OXCT1: variants seen among roughly 807,000 people sequenced by gnomAD.
The protein encoded by OXCT1 is succinyl-CoA:3-ketoacid coenzyme A transferase 1, mitochondrial.
In OXCT1, 27 loss-of-function variants were observed where a neutral mutation model predicts 69.6. That is an observed-to-expected ratio of 0.39 (90% CI 0.29 to 0.54). The LOEUF is 0.54. OXCT1 is among the 20% of genes least tolerant of loss of function. The probability of loss-of-function intolerance (pLI) is 0.72; values close to 1 mark genes in which losing one functional copy is unlikely to be tolerated. For synonymous variants in OXCT1, 202 were observed against 217.8 expected (o/e 0.93, Z 0.64); for missense variants, 437 against 650.2 (o/e 0.67, Z 3.57).
chr5:41,812,418 G>T (rs967675393), intron 7 of OXCT1, among the ~76,000 whole-genome samples: 3 of 151,994 alleles, frequency 2.0e-5, no homozygotes, highest in African/African-American at 7.2e-5. Context: ...GAAGAGAATT[G>T]CATATAAAGA....
intron 5 of OXCT1, chr5:41,843,483 C>T (rs912244731): frequency 2.2e-6 from 1 of 453,070 alleles, no homozygotes; most frequent in African/African-American, 2.0e-5. Flanking sequence ...CATTACTGAT[C>T]TAGGGAATGC....
Position 41,731,254 on chromosome 5 carries a change from T to C in OXCT1, c.*475A>G. 1 of 372,878 alleles carries C rather than the reference T, an allele frequency of 2.7e-6. No individual in the cohort carries two copies. The highest frequency in any genetic ancestry group is 3.8e-6 in the Non-Finnish European group (1 of 263,910). The allele number at this position is 372,878 out of a possible 1,614,324, so 23.1% of individuals were successfully genotyped here. On this transcript the variant is annotated 3_prime_UTR_variant, in exon 17 of 17. Transcript: ENST00000196371. ...AGGGGGATGTTCTAGGGGGACAAGATGTAATCATAAAATCTGAAGCCCCAA... is the reference window on the plus strand; with the variant it reads ...AGGGGGATGTTCTAGGGGGACAAGACGTAATCATAAAATCTGAAGCCCCAA...
intron 13 of OXCT1, among the ~76,000 whole-genome samples, chr5:41,790,718 T>C (rs964201781): frequency 6.6e-6 from 1 of 152,150 alleles, no homozygotes. Context: ...GACTGCCAGA[T>C]CTTGCAATAA....
chr5:41,758,362 A>G (rs1003570075), intron 14 of OXCT1, among the ~76,000 whole-genome samples: 3 of 152,168 alleles, frequency 2.0e-5, no homozygotes, highest in African/African-American at 7.2e-5. Flanking sequence ...ATATAGTTCT[A>G]TGGCTGATCA....
intron 10 of OXCT1, 95 bp downstream of exon 10, chr5:41,802,974 C>T: frequency 1.2e-6 from 1 of 868,130 alleles, no homozygotes; most frequent in South Asian, 1.4e-5. Flanking sequence ...ACCCTAAAAG[C>T]TATTGAAATA....
chr5:41,744,611 T>C (rs556196068), intron 15 of OXCT1, among the ~76,000 whole-genome samples: 2 of 152,262 alleles, frequency 1.3e-5, no homozygotes, highest in Admixed American at 6.5e-5. Context: ...TTGTCATAGA[T>C]AGCTCTTATT....
intron 4 of OXCT1, 112 bp downstream of exon 4, chr5:41,853,307 G>T: frequency 1.1e-6 from 1 of 915,020 alleles, no homozygotes; most frequent in Non-Finnish European, 1.7e-6. Context: ...TCCCTGGTTT[G>T]GCAAAGTACT....
rs1579839899 is a variant in OXCT1, at chr5:41,835,199, T to C, written c.732+5252A>G. The stretch of plus-strand genomic sequence containing the variant: ...CGTTAGTGGCTACTAGGAGCAACTA[T>C]ATGCCAATAAATTGGAAAATCTAGA... On this transcript the variant is annotated intron_variant, in intron 7 of 16. Coordinates refer to ENST00000196371, the MANE Select transcript of OXCT1 (RefSeq NM_000436.4). 2.6e-5 allele frequency among the ~76,000 whole-genome samples: 4 copies of C among 152,312 alleles called. No homozygotes were observed. In the South Asian group the frequency reaches 6.2e-4, roughly 24 times the overall value.
At chr5:41,779,422 C>T (rs533627911) in intron 13 of OXCT1, among the ~76,000 whole-genome samples, 10 of 152,160 alleles carry the variant, frequency 6.6e-5, no homozygotes, top group Non-Finnish European at 1.5e-4. Context: ...CCACATGTGG[C>T]TAATGGCTCC....
intron 5 of OXCT1, among the ~76,000 whole-genome samples, chr5:41,845,171 A>G (rs908571652): frequency 1.3e-5 from 2 of 152,144 alleles, no homozygotes; most frequent in Non-Finnish European, 2.9e-5. Flanking sequence ...TTCCCCAAAC[A>G]CGGCAAGCCT....
At chr5:41,811,346 G>T (rs1260474025) in intron 7 of OXCT1, among the ~76,000 whole-genome samples, 1 of 151,988 alleles carries the variant, frequency 6.6e-6, no homozygotes, top group East Asian at 1.9e-4. Context: ...ATATGGTAAT[G>T]AATATCCCAA....
chr5:41,850,630 T>C (rs1749131969), intron 4 of OXCT1, among the ~76,000 whole-genome samples: 1 of 152,220 alleles, frequency 6.6e-6, no homozygotes, highest in Non-Finnish European at 1.5e-5. Flanking sequence ...TTAGAGCTTA[T>C]TTTAAACCAT....
At chr5:41,868,615 TG>T (rs1750119565) in intron 1 of OXCT1, among the ~76,000 whole-genome samples, 2 of 150,426 alleles carry the variant, frequency 1.3e-5, no homozygotes, top group African/African-American at 4.9e-5. Context: ...CCCAGCTACT[TG>T]GGAGGCTGAG....
intron 11 of OXCT1, among the ~76,000 whole-genome samples, chr5:41,799,786 T>C (rs1746343832): frequency 6.6e-6 from 1 of 152,208 alleles, no homozygotes; most frequent in Non-Finnish European, 1.5e-5. Flanking sequence ...CTTTCAGAGT[T>C]GAGTCGTGTT....
chr5:41,793,109 G>A (rs1746002048), intron 13 of OXCT1, among the ~76,000 whole-genome samples: 1 of 152,112 alleles, frequency 6.6e-6, no homozygotes, highest in South Asian at 2.1e-4. Flanking sequence ...CTCTAACATT[G>A]TTATCAACTA....
At chr5:41,855,786 A>G (rs1435760110) in intron 3 of OXCT1, among the ~76,000 whole-genome samples, 1 of 152,242 alleles carries the variant, frequency 6.6e-6, no homozygotes, top group African/African-American at 2.4e-5. Flanking sequence ...TAAGGGAATT[A>G]GGCACAAATT....
At chr5:41,746,553 A>G (rs1057057569) in intron 15 of OXCT1, among the ~76,000 whole-genome samples, 11 of 152,010 alleles carry the variant, frequency 7.2e-5, no homozygotes, top group Admixed American at 1.3e-4. Context: ...CCTTTCTTTA[A>G]CGTACCAAAA....
intron 5 of OXCT1, among the ~76,000 whole-genome samples, chr5:41,844,688 C>T (rs887170081): frequency 1.3e-5 from 2 of 152,090 alleles, no homozygotes; most frequent in African/African-American, 4.8e-5. Flanking sequence ...GTCTCCAATG[C>T]ACCATGTTCC....
At chr5:41,812,475 C>T (rs1449465067) in intron 7 of OXCT1, among the ~76,000 whole-genome samples, 1 of 151,948 alleles carries the variant, frequency 6.6e-6, no homozygotes, top group Non-Finnish European at 1.5e-5. Flanking sequence ...CGTATTTTAT[C>T]AGGGCTCCCA....
Sources: gnomAD v4.1 joint callset for allele counts (sites outside exome capture counted in the v4.1 genomes callset) on GRCh38, gnomAD v4.1.1 for gene constraint, MANE v1.5 for transcripts, NCBI Gene and HGNC (gene_info 2026-07-23, HGNC 2026-07-21) for gene names.